Variants in SAMD12 observed in about 807,000 individuals in gnomAD.
The protein encoded by SAMD12 is sterile alpha motif domain-containing protein 12.
SAMD12 carries 9 observed loss-of-function variants against 15.0 expected under a neutral mutation model. The ratio of observed to expected loss-of-function variants is 0.60; its 90% confidence interval spans 0.36 to 1.05. The LOEUF (loss-of-function observed/expected upper bound fraction) is 1.05. Ranked by LOEUF, SAMD12 falls within the 50% of genes least tolerant of loss-of-function variation. The pLI is 0.01. For missense variants in SAMD12, 230 were observed against 234.2 expected, an observed-to-expected ratio of 0.98 and a Z score of 0.12; for synonymous variants, 86 against 90.1, an observed-to-expected ratio of 0.96 and a Z score of 0.25.
At chr8:118,303,644 G>T (rs937184388) in intron 4 of SAMD12, among the ~76,000 whole-genome samples, 6 of 151,998 alleles carry the variant, frequency 3.9e-5, no homozygotes, top group Admixed American at 3.3e-4. Context: ...GACCTTTTCT[G>T]TTTGGCAGAC....
intron 2 of SAMD12, among the ~76,000 whole-genome samples, chr8:118,502,946 C>T (rs1042552812): frequency 6.6e-6 from 1 of 152,178 alleles, no homozygotes; most frequent in African/African-American, 2.4e-5. Context: ...TGGAAGTTCA[C>T]GCCAAAACAA....
intron 3 of SAMD12, among the ~76,000 whole-genome samples, chr8:118,408,914 T>C (rs1821261746): frequency 1.3e-5 from 2 of 152,102 alleles, no homozygotes; most frequent in South Asian, 4.1e-4. Flanking sequence ...ATTTTGTTTG[T>C]TTGAGACAGA....
intron 4 of SAMD12, among the ~76,000 whole-genome samples, chr8:118,272,105 C>T (rs1380775725): frequency 6.6e-6 from 1 of 152,188 alleles, no homozygotes; most frequent in Non-Finnish European, 1.5e-5. Context: ...AGGTCTCTGC[C>T]CGTGGAGCAA....
chr8:118,536,437 TACACAAAC>T lies in SAMD12; in HGVS notation c.192+44270_192+44277del, dbSNP rs1382533555. Among the ~76,000 whole-genome samples the T allele has an allele frequency of 1.3e-3, 164 of 128,258 alleles. 3 individuals are homozygous for T. The East Asian group carries it at 0.023, about 18-fold the overall frequency. The allele number at this position is 128,258 out of a possible 152,430, so 84.1% of individuals were successfully genotyped here. ...GTTTAGATTGAGCTATGTAGACTGA[TACACAAAC>T]ACACACACACACACACACACACACA... On this transcript the variant is annotated intron_variant, in intron 2 of 3. Coordinates refer to ENST00000314727, the MANE Select transcript of SAMD12 (RefSeq NM_207506.3).
chr8:118,405,152 G>T (rs1281751493), intron 3 of SAMD12, among the ~76,000 whole-genome samples: 1 of 152,142 alleles, frequency 6.6e-6, no homozygotes, highest in Non-Finnish European at 1.5e-5. Flanking sequence ...ACTGGTCAAA[G>T]CATAAACTGA....
the SAMD12 span, among the ~76,000 whole-genome samples, chr8:118,142,234 A>G: frequency 2.6e-5 from 4 of 152,304 alleles, no homozygotes; most frequent in Middle Eastern, 3.4e-3. Context: ...CTATTCAACA[A>G]TGTGTAAGCC....
At chr8:118,454,793 C>T (rs1823197990) in intron 2 of SAMD12, among the ~76,000 whole-genome samples, 1 of 152,182 alleles carries the variant, frequency 6.6e-6, no homozygotes, top group African/African-American at 2.4e-5. Flanking sequence ...AACTCCCTGT[C>T]CCCTTGTCTC....
intron 4 of SAMD12, among the ~76,000 whole-genome samples, chr8:118,314,177 T>C (rs1815765038): frequency 6.6e-6 from 1 of 152,188 alleles, no homozygotes; most frequent in African/African-American, 2.4e-5. Flanking sequence ...AATTCATAAA[T>C]TCTATAGCAT....
chr8:118,611,253 T>C lies in SAMD12; in HGVS notation c.13+10551A>G, dbSNP rs1038716152. 2.6e-5 allele frequency among the ~76,000 whole-genome samples: 4 copies of C among 152,236 alleles called. No individual in the cohort carries two copies. The South Asian group carries it at 6.2e-4, about 24-fold the overall frequency. On this transcript the variant is annotated intron_variant, in intron 1 of 3. Coordinates refer to ENST00000314727, the MANE Select transcript of SAMD12 (RefSeq NM_207506.3). ...TGACTAACACAAAATATCAGTCCCA[T>C]AGTTTATCCAGGCAGAATTATCTAC...
At chr8:118,469,674 T>C (rs1251353594) in intron 2 of SAMD12, among the ~76,000 whole-genome samples, 1 of 144,564 alleles carries the variant, frequency 6.9e-6, no homozygotes, top group Non-Finnish European at 1.5e-5. Context: ...GTGATTCTCC[T>C]GCCTCAGCCT....
intron 3 of SAMD12, among the ~76,000 whole-genome samples, chr8:118,426,496 T>C (rs141317660): frequency 2.6e-5 from 4 of 152,302 alleles, no homozygotes; most frequent in Non-Finnish European, 5.9e-5. Context: ...ATCCTGCACA[T>C]AGAAAGCCTC....
chr8:118,159,901 G>T, the SAMD12 span, among the ~76,000 whole-genome samples: 41 of 151,932 alleles, frequency 2.7e-4, no homozygotes, highest in African/African-American at 7.5e-4. Flanking sequence ...TGTATTTTTA[G>T]TAGAGACAGG....
At chr8:118,593,152 T>C (rs1693992337) in intron 1 of SAMD12, among the ~76,000 whole-genome samples, 1 of 152,186 alleles carries the variant, frequency 6.6e-6, no homozygotes, top group Non-Finnish European at 1.5e-5. Context: ...ATATAACATA[T>C]ATATATTTTT....
intron 3 of SAMD12, chr8:118,400,524 A>G (rs1336419151): frequency 6.6e-6 from 1 of 152,252 alleles, no homozygotes; most frequent in African/African-American, 2.4e-5. Context: ...ATGAGTTTCC[A>G]TACATCAGGA....
chr8:118,313,402 T>C (rs1563754924), intron 4 of SAMD12, among the ~76,000 whole-genome samples: 3 of 152,174 alleles, frequency 2.0e-5, no homozygotes, highest in Admixed American at 2.0e-4. Context: ...AAGCAACAGC[T>C]GCAGTGGTCG....
the SAMD12 span, among the ~76,000 whole-genome samples, chr8:118,159,768 C>T: frequency 6.1e-5 from 9 of 147,840 alleles, no homozygotes; most frequent in Non-Finnish European, 1.0e-4. Context: ...CAGGCTGCAG[C>T]GCAATGGTAC....
chr8:118,199,554 A>T (rs1819654544), intron 4 of SAMD12, among the ~76,000 whole-genome samples: 5 of 152,210 alleles, frequency 3.3e-5, no homozygotes, highest in Admixed American at 3.3e-4. Context: ...GATAATAAAG[A>T]GTAAGCCCTA....
chr8:118,466,842 C>T (rs976320941), intron 2 of SAMD12, among the ~76,000 whole-genome samples: 3 of 152,114 alleles, frequency 2.0e-5, no homozygotes, highest in East Asian at 1.9e-4. Flanking sequence ...AAAATTAAAC[C>T]GAAAATTAGA....
At chr8:118,575,175 C>A (rs764698468) in intron 2 of SAMD12, among the ~76,000 whole-genome samples, 1 of 152,190 alleles carries the variant, frequency 6.6e-6, no homozygotes, top group Non-Finnish European at 1.5e-5. Context: ...TCCAGGCCAG[C>A]TCCTTTAACT....
Sources: allele counts gnomAD v4.1 joint callset (sites outside exome capture counted in the v4.1 genomes callset), GRCh38; gene constraint gnomAD v4.1.1; transcripts MANE v1.5; gene names NCBI Gene and HGNC (gene_info 2026-07-23, HGNC 2026-07-21).